The following TEX11 variants were observed in gnomAD, a reference collection of about 807,000 sequenced individuals.
TEX11 encodes testis expressed 11, also known as testis-expressed protein 11.
In TEX11, 7 loss-of-function variants were observed where a neutral mutation model predicts 84.4. The ratio of observed to expected loss-of-function variants is 0.08; its 90% CI spans 0.05 to 0.16. The LOEUF is 0.16. TEX11 is among the 10% of genes least tolerant of loss of function. TEX11 has a pLI of 1.00. For synonymous variants in TEX11, 264 were observed against 222.8 expected (o/e 1.18, Z -1.64); for missense variants, 551 against 660.5 (o/e 0.83, Z 1.82).
At chrX:70,588,286 C>T (rs759933808) in intron 25 of TEX11, among the ~76,000 whole-genome samples, 1 of 111,612 alleles carries the variant, frequency 9.0e-6, no homozygotes, top group South Asian at 3.8e-4. Flanking sequence ...CTTTGTGTCT[C>T]CACCCAAATC....
intron 9 of TEX11, among the ~76,000 whole-genome samples, chrX:70,786,319 G>A (rs893282276): frequency 1.5e-4 from 17 of 110,861 alleles, no homozygotes; most frequent in African/African-American, 5.2e-4. Flanking sequence ...GGGCCTGTCA[G>A]GAGGTGGTGG....
At chrX:70,650,915 T>C (rs1175500836) in intron 17 of TEX11, among the ~76,000 whole-genome samples, 1 of 111,723 alleles carries the variant, frequency 9.0e-6, no homozygotes, top group Non-Finnish European at 1.9e-5. Flanking sequence ...TAGGAAACTA[T>C]GCTTAACTTA....
At chrX:70,778,094 G>C (rs1166000112) in intron 9 of TEX11, among the ~76,000 whole-genome samples, 1 of 111,612 alleles carries the variant, frequency 9.0e-6, no homozygotes, top group Non-Finnish European at 1.9e-5. Context: ...GCAGGGTTGG[G>C]TATACTTATA....
intron 22 of TEX11, 60 bp downstream of exon 22, chrX:70,609,031 C>A: frequency 1.1e-6 from 1 of 931,700 alleles, no homozygotes; most frequent in Non-Finnish European, 1.5e-6. Context: ...AATTTGAAAT[C>A]ACATCTGTCT....
intron 13 of TEX11, among the ~76,000 whole-genome samples, chrX:70,699,600 A>G (rs2090309397): frequency 1.8e-5 from 2 of 112,007 alleles, no homozygotes; most frequent in African/African-American, 6.5e-5. Context: ...GAAACTAGAC[A>G]TTTGAAGAAA....
intron 7 of TEX11, among the ~76,000 whole-genome samples, chrX:70,847,881 C>T (rs990534802): frequency 8.9e-6 from 1 of 112,045 alleles, no homozygotes; most frequent in Non-Finnish European, 1.9e-5. Context: ...TCCCACCTCC[C>T]AACAACATGT....
chrX:70,747,160 G>A, intron 9 of TEX11, among the ~76,000 whole-genome samples: 1 of 111,979 alleles, frequency 8.9e-6, no homozygotes, highest in Non-Finnish European at 1.9e-5. Flanking sequence ...GTCCCCGACT[G>A]AATTAGTCTC....
At chrX:70,607,488 T>C (rs1400235993) in intron 22 of TEX11, among the ~76,000 whole-genome samples, 1 of 110,371 alleles carries the variant, frequency 9.1e-6, no homozygotes, top group Non-Finnish European at 1.9e-5. Flanking sequence ...CACACAACTA[T>C]AGTCCCAGAA....
intron 7 of TEX11, among the ~76,000 whole-genome samples, chrX:70,839,905 T>A (rs1211272297): frequency 9.0e-6 from 1 of 110,721 alleles, no homozygotes; most frequent in Non-Finnish European, 1.9e-5. Context: ...GAAGATGAAA[T>A]GAAGCGAGAA....
chrX:70,578,579 A>C (rs2088712558), intron 25 of TEX11, among the ~76,000 whole-genome samples: 1 of 111,227 alleles, frequency 9.0e-6, no homozygotes, highest in African/African-American at 3.3e-5. Context: ...ATGTGTCTAC[A>C]ACTGAAAAAG....
intron 13 of TEX11, among the ~76,000 whole-genome samples, chrX:70,713,803 C>T (rs918589324): frequency 2.7e-5 from 3 of 111,394 alleles, no homozygotes; most frequent in East Asian, 2.8e-4. Context: ...CAGTTCTGCT[C>T]TGATCTTAGT....
chrX:70,657,456 A>T (rs904633161), intron 16 of TEX11, among the ~76,000 whole-genome samples: 14 of 56,126 alleles, frequency 2.5e-4, no homozygotes, highest in South Asian at 1.1e-3. Context: ...GTAAAAAATT[A>T]AAAAAAAAAA....
At chrX:70,655,824 A>G (rs147320221) in intron 16 of TEX11, among the ~76,000 whole-genome samples, 1,199 of 110,789 alleles carry the variant, frequency 0.011, 12 homozygotes, top group African/African-American at 0.038. Flanking sequence ...TTGTTATAGC[A>G]TCCCTAGGAA....
At chrX:70,755,416 T>A (rs1290648905) in intron 9 of TEX11, among the ~76,000 whole-genome samples, 1 of 111,776 alleles carries the variant, frequency 8.9e-6, no homozygotes, top group African/African-American at 3.3e-5. Flanking sequence ...GCAGAATTGA[T>A]CAAGTAGAAG....
At chrX:70,769,222 C>T (rs1377638660) in intron 9 of TEX11, among the ~76,000 whole-genome samples, 4 of 110,862 alleles carry the variant, frequency 3.6e-5, no homozygotes, top group Non-Finnish European at 7.6e-5. Context: ...TTATAGATTA[C>T]AATGGAAATA....
At chrX:70,836,503 C>A (rs1039470652) in intron 7 of TEX11, among the ~76,000 whole-genome samples, 4 of 111,412 alleles carry the variant, frequency 3.6e-5, no homozygotes, top group African/African-American at 9.8e-5. Flanking sequence ...AGAAAATAGA[C>A]AAGAAAAATG....
chrX:70,520,977 G>T, the TEX11 span, among the ~76,000 whole-genome samples: 1 of 112,256 alleles, frequency 8.9e-6, no homozygotes, highest in Non-Finnish European at 1.9e-5. Flanking sequence ...TGTGCCGTTT[G>T]CTAAGACCGT....
At chrX:70,774,774 A>C (rs2090991780) in intron 9 of TEX11, among the ~76,000 whole-genome samples, 1 of 111,504 alleles carries the variant, frequency 9.0e-6, no homozygotes, top group African/African-American at 3.3e-5. Flanking sequence ...TAAAGTGACC[A>C]AACTGTCCAA....
chrX:70,534,969 C>T (rs2087937406), intron 28 of TEX11, among the ~76,000 whole-genome samples: 1 of 110,832 alleles, frequency 9.0e-6, no homozygotes, highest in Non-Finnish European at 1.9e-5. Flanking sequence ...TTCCTCTCAA[C>T]CTGCCCCCCT....
Sources: gnomAD v4.1 joint callset for allele counts (sites outside exome capture counted in the v4.1 genomes callset) on GRCh38, gnomAD v4.1.1 for gene constraint, MANE v1.5 for transcripts, NCBI Gene and HGNC (gene_info 2026-07-23, HGNC 2026-07-21) for gene names.